Variants in CACNA1D observed in about 807,000 individuals in gnomAD.
CACNA1D encodes the protein voltage-dependent L-type calcium channel subunit alpha-1D.
A neutral mutation model predicts 257.1 loss-of-function variants in CACNA1D; 55 were observed. The observed-to-expected ratio is 0.21, with a 90% CI of 0.17 to 0.27. CACNA1D has a LOEUF of 0.27. Among genes scored for constraint, CACNA1D ranks in the 10% least tolerant of loss-of-function variants. CACNA1D has a pLI of 1.00. For synonymous variants in CACNA1D, 980 were observed against 1,014.9 expected, an observed-to-expected ratio of 0.97 and a Z score of 0.65; for missense variants, 1,876 against 2,784.0, an observed-to-expected ratio of 0.67 and a Z score of 7.34.
At chr3:53,724,587 A>T (rs190944825) in intron 14 of CACNA1D, among the ~76,000 whole-genome samples, 1 of 152,316 alleles carries the variant, frequency 6.6e-6, no homozygotes, top group Non-Finnish European at 1.5e-5. Context: ...AGAGGCACCG[A>T]TGGCTCTGCT....
chr3:53,733,864 T>C (rs1186276332), intron 19 of CACNA1D, among the ~76,000 whole-genome samples: 1 of 147,374 alleles, frequency 6.8e-6, no homozygotes, highest in Admixed American at 6.8e-5. Context: ...TGGGTGTTCT[T>C]TAAAAAAAAA....
chr3:53,508,602 G>A (rs574879169), intron 3 of CACNA1D, among the ~76,000 whole-genome samples: 3 of 152,114 alleles, frequency 2.0e-5, no homozygotes, highest in Non-Finnish European at 4.4e-5. Flanking sequence ...GCTTAAGTTC[G>A]GCATTTTAAC....
chr3:53,706,645 G>A (rs1030809743), intron 9 of CACNA1D, among the ~76,000 whole-genome samples: 5 of 152,054 alleles, frequency 3.3e-5, no homozygotes, highest in African/African-American at 9.7e-5. Flanking sequence ...AAATTTAGGG[G>A]GTACAAATAC....
At chr3:53,766,645 C>T (rs2095334068) in intron 30 of CACNA1D, among the ~76,000 whole-genome samples, 1 of 152,204 alleles carries the variant, frequency 6.6e-6, no homozygotes, top group Non-Finnish European at 1.5e-5. Flanking sequence ...GCTTGAGAGC[C>T]CTGTGGGAAG....
Position 53,495,385 on chromosome 3 carries a change from T to C in CACNA1D, c.67+152T>C. On this transcript the variant is annotated intron_variant, in intron 1 of 47. Transcript: ENST00000350061. This position sits in a 1 kb window ranked among gnomAD's most constrained non-coding sequence, Gnocchi z 5.1. The stretch of plus-strand genomic sequence containing the variant: ...CGTCTACACAGAGAGGGGACATGCG[T>C]GACAGCCACTCCGCGCTCCCCTCCA... 1 of 855,336 alleles carries C rather than the reference T, an allele frequency of 1.2e-6. No homozygotes were observed. The highest frequency in any genetic ancestry group is 2.6e-5 in the East Asian group (1 of 39,018). 53.0% of individuals were successfully genotyped at this position (855,336 alleles called of 1,614,324 possible). A position where few individuals can be genotyped will look rare whatever the true frequency, so the allele number is the denominator to read the frequency against.
At chr3:53,606,774 G>A (rs974130620) in intron 3 of CACNA1D, among the ~76,000 whole-genome samples, 1 of 152,166 alleles carries the variant, frequency 6.6e-6, no homozygotes, top group Non-Finnish European at 1.5e-5. Flanking sequence ...TCAAGATGCA[G>A]AACACTGCTA....
Position 53,686,467 on chromosome 3 carries a change from G to C in CACNA1D, c.1220+13341G>C, listed in dbSNP as rs545810566. ...AAATATTAGCAAATAGAATATAGCA[G>C]GATGAAAGGAATAATATCTCATGGC... On this transcript the variant is annotated intron_variant, in intron 8 of 47. Transcript: ENST00000350061. Among the ~76,000 whole-genome samples, 5 of 152,054 alleles carry C rather than the reference G, an allele frequency of 3.3e-5. No individual in the cohort carries two copies. In the South Asian group the frequency reaches 1.0e-3, roughly 32 times the overall value.
At chr3:53,576,798 C>T (rs2093046454) in intron 3 of CACNA1D, among the ~76,000 whole-genome samples, 1 of 152,336 alleles carries the variant, frequency 6.6e-6, no homozygotes, top group East Asian at 1.9e-4. Flanking sequence ...ACCAAAGGAT[C>T]TCATTCCTTT....
At chr3:53,695,454 C>G (rs1303786037) in intron 8 of CACNA1D, among the ~76,000 whole-genome samples, 1 of 152,150 alleles carries the variant, frequency 6.6e-6, no homozygotes, top group Non-Finnish European at 1.5e-5. Flanking sequence ...CCTCCTGCCC[C>G]GCCCAGCCCG....
At chr3:53,722,555 C>A (rs1055596153) in intron 12 of CACNA1D, 81 bp downstream of exon 12, 21 of 1,358,064 alleles carry the variant, frequency 1.5e-5, no homozygotes, top group Non-Finnish European at 2.0e-5. Flanking sequence ...CTTATCTGAT[C>A]GCTGCATGAT....
At position 53,800,538 on chromosome 3, in the gene CACNA1D, G is replaced by A. The variant is rs1202876768; in HGVS notation, c.5040+173G>A. 2 of 701,272 alleles carry A rather than the reference G, an allele frequency of 2.9e-6. No individual in the cohort carries two copies. Among genetic ancestry groups the A allele is most frequent in the Admixed American group, 2.0e-5 (1 of 50,552 alleles). 43.4% of individuals were successfully genotyped at this position (701,272 alleles called of 1,614,324 possible). ...TCTTACAGACCCTCCCCAGGCATCA[G>A]CACCTCTTCTAGGGCCAGGCCAGCT... On this transcript the variant is annotated intron_variant, in intron 41 of 47. Transcript: ENST00000350061. This position sits in a 1 kb window ranked among gnomAD's most constrained non-coding sequence, Gnocchi z 4.3.
At chr3:53,736,110 G>A (rs912960449) in intron 20 of CACNA1D, among the ~76,000 whole-genome samples, 8 of 152,128 alleles carry the variant, frequency 5.3e-5, no homozygotes, top group Non-Finnish European at 1.0e-4. Flanking sequence ...GGGGATAGAG[G>A]GGGAGGATCA....
At chr3:53,557,622 G>A (rs2092670708) in intron 3 of CACNA1D, among the ~76,000 whole-genome samples, 1 of 152,168 alleles carries the variant, frequency 6.6e-6, no homozygotes, top group Non-Finnish European at 1.5e-5. Flanking sequence ...TCTATTTGTT[G>A]AAAAGCCTAT....
At chr3:53,788,902 A>G (rs1050481851) in intron 40 of CACNA1D, among the ~76,000 whole-genome samples, 2 of 152,102 alleles carry the variant, frequency 1.3e-5, no homozygotes, top group Non-Finnish European at 2.9e-5. Flanking sequence ...ACTTTTTCTG[A>G]ACCCCCAAGA....
intron 10 of CACNA1D, 36 bp from the exon 11 acceptor site, chr3:53,719,719 G>A: frequency 6.2e-7 from 1 of 1,607,502 alleles, no homozygotes; most frequent in South Asian, 1.1e-5. Context: ...CAAGCCCTCG[G>A]AACCAGAATC....
intron 3 of CACNA1D, among the ~76,000 whole-genome samples, chr3:53,621,998 C>T (rs1335050100): frequency 2.0e-5 from 3 of 151,830 alleles, no homozygotes; most frequent in East Asian, 1.9e-4. Flanking sequence ...AGACTCTTAA[C>T]GCATCATCGG....
At chr3:53,725,000 G>C (rs938164287) in intron 14 of CACNA1D, among the ~76,000 whole-genome samples, 4 of 56,586 alleles carry the variant, frequency 7.1e-5, no homozygotes, top group South Asian at 6.6e-4. Context: ...AGAGAAACTG[G>C]TGTCTTTTTT....
intron 3 of CACNA1D, among the ~76,000 whole-genome samples, chr3:53,629,232 G>C (rs963271756): frequency 6.6e-6 from 1 of 152,192 alleles, no homozygotes; most frequent in Non-Finnish European, 1.5e-5. Flanking sequence ...AACAAGTTTC[G>C]AGTTGTCACC....
At chr3:53,653,166 G>A (rs1042487703) in intron 4 of CACNA1D, among the ~76,000 whole-genome samples, 25 of 152,102 alleles carry the variant, frequency 1.6e-4, no homozygotes, top group African/African-American at 4.8e-4. Context: ...CAAGAGAATC[G>A]CTTGAACCTG....
Sources: allele counts gnomAD v4.1 joint callset (sites outside exome capture counted in the v4.1 genomes callset), GRCh38; gene constraint gnomAD v4.1.1; non-coding constraint Gnocchi (gnomAD v3.1); transcripts MANE v1.5; gene names NCBI Gene and HGNC (gene_info 2026-07-23, HGNC 2026-07-21).